The following PIAS1 variants were observed in gnomAD, a reference collection of about 807,000 sequenced individuals.
PIAS1 encodes the protein E3 SUMO-protein ligase PIAS1.
In PIAS1, 6 loss-of-function variants were observed where a neutral mutation model predicts 71.3. That is an observed-to-expected ratio of 0.08 (90% confidence interval 0.05 to 0.17). The LOEUF (loss-of-function observed/expected upper bound fraction) is 0.17, where lower values mean the gene tolerates loss of function less well. Ranked by LOEUF, PIAS1 falls within the 10% of genes least tolerant of loss-of-function variation. The pLI is 1.00. For missense variants in PIAS1, 555 were observed against 793.6 expected (o/e 0.70, Z 3.61); for synonymous variants, 303 against 292.9 (o/e 1.03, Z -0.35).
At position 68,179,564 on chromosome 15, in the gene PIAS1, C is replaced by CTTTTTTTTTTTTTTTTTTTTTTT. The variant is rs766344324; in HGVS notation, c.1482-1642_1482-1620dup. On this transcript the variant is annotated intron_variant, in intron 11 of 13. Transcript: ENST00000249636. The stretch of plus-strand genomic sequence containing the variant: ...CAACCTTGTCATCTCGTGAAATGTT[C>CTTTTTTTTTTTTTTTTTTTTTTT]TTTTTTTTTTTTTTTTTTTTTTTTT... 1.4e-3 allele frequency among the ~76,000 whole-genome samples: 57 copies of CTTTTTTTTTTTTTTTTTTTTTTT among 40,102 alleles called. 18 individuals carry two copies. The highest frequency in any genetic ancestry group is 2.0e-3 in the East Asian group (2 of 998). 26.3% of individuals were successfully genotyped at this position (40,102 alleles called of 152,430 possible). A position where few individuals can be genotyped will look rare whatever the true frequency, so the allele number is the denominator to read the frequency against.
chr15:68,127,635 G>A (rs2092660128), intron 2 of PIAS1, among the ~76,000 whole-genome samples: 1 of 152,118 alleles, frequency 6.6e-6, no homozygotes, highest in Non-Finnish European at 1.5e-5. Flanking sequence ...AACAAAACAG[G>A]CAAGCAAAGA....
At chr15:68,104,446 T>G (rs2141002399) in intron 2 of PIAS1, among the ~76,000 whole-genome samples, 1 of 152,314 alleles carries the variant, frequency 6.6e-6, no homozygotes, top group East Asian at 1.9e-4. Context: ...TCAACAACTT[T>G]TAAGAGTAAT....
chr15:68,068,459 C>CT lies in PIAS1; in HGVS notation c.24+14118dup, dbSNP rs1317734300. Among the ~76,000 whole-genome samples the CT allele has an allele frequency of 1.2e-4, 18 of 151,088 alleles. No individual in the cohort carries two copies. The South Asian group carries it at 1.5e-3, about 12-fold the overall frequency. On this transcript the variant is annotated intron_variant, in intron 1 of 13. Coordinates refer to ENST00000249636, the MANE Select transcript of PIAS1 (RefSeq NM_016166.3). ...CACAGTGATTTACCCGGGGTTAAGT[C>CT]TTTTTTTTTGAGACTGAGTTTGCAC...
Position 68,180,212 on chromosome 15 carries a change from C to CA in PIAS1, c.1482-999dup, listed in dbSNP as rs1395973141. Among the ~76,000 whole-genome samples, 3 of 152,130 alleles carry CA rather than the reference C, an allele frequency of 2.0e-5. No individual in the cohort carries two copies. The East Asian group carries it at 5.8e-4, about 29-fold the overall frequency. On this transcript the variant is annotated intron_variant, in intron 11 of 13. Coordinates refer to ENST00000249636, the MANE Select transcript of PIAS1 (RefSeq NM_016166.3). ...ACCCCCCAGGCTCAAGCAATCCTCT[C>CA]ATCTATCTCCCAAGTAGCTGGGACT...
At chr15:68,060,632 A>G (rs2091947977) in intron 1 of PIAS1, among the ~76,000 whole-genome samples, 3 of 152,278 alleles carry the variant, frequency 2.0e-5, no homozygotes, top group South Asian at 4.1e-4. Context: ...CAAACAAAAA[A>G]TCCCCCAAAA....
rs907546786 is a variant in PIAS1 at position 68,191,459 on chromosome 15, A to G, written c.*3624A>G. On this transcript the variant is annotated 3_prime_UTR_variant, in exon 14 of 14. Coordinates refer to ENST00000249636, the MANE Select transcript of PIAS1 (RefSeq NM_016166.3). ...TAGATGTAATAAAAGAAAAGCCTTC[A>G]GTTAATTTGTCTTCTGTAAAATAAC... The G allele has an allele frequency of 6.5e-6, 1 of 152,686 alleles. No homozygotes were observed. The highest frequency in any genetic ancestry group is 6.5e-5 in the Admixed American group (1 of 15,288). 9.5% of individuals were successfully genotyped at this position (152,686 alleles called of 1,614,324 possible). A position where few individuals can be genotyped will look rare whatever the true frequency, so the allele number is the denominator to read the frequency against.
At position 68,192,667 on chromosome 15, in the gene PIAS1, C is replaced by A. The variant is rs1205228273; in HGVS notation, c.*4832C>A. The A allele has an allele frequency of 6.6e-6, 1 of 152,234 alleles. No individual in the cohort carries two copies. The highest frequency in any genetic ancestry group is 1.5e-5 in the Non-Finnish European group (1 of 68,066). 9.4% of individuals were successfully genotyped at this position (152,234 alleles called of 1,614,324 possible). ...GCACTAACACTACAACTCTTGTTCCCTGCAGTTTTCCCTGTGCCCGGTGCC... is the reference window on the plus strand; with the variant it reads ...GCACTAACACTACAACTCTTGTTCCATGCAGTTTTCCCTGTGCCCGGTGCC... On this transcript the variant is annotated 3_prime_UTR_variant, in exon 14 of 14. Transcript: ENST00000249636.
chr15:68,118,472 G>C (rs1354790624), intron 2 of PIAS1, among the ~76,000 whole-genome samples: 1 of 152,172 alleles, frequency 6.6e-6, no homozygotes, highest in African/African-American at 2.4e-5. Context: ...AAGTTGCTGA[G>C]ACTATAGGCA....
At chr15:68,059,431 A>G (rs1472079837) in intron 1 of PIAS1, among the ~76,000 whole-genome samples, 1 of 151,922 alleles carries the variant, frequency 6.6e-6, no homozygotes, top group East Asian at 1.9e-4. Context: ...GCAATGCAGG[A>G]CCGGATGCCA....
rs2093125954 is a variant in PIAS1 at position 68,192,672 on chromosome 15, G to GT, written c.*4841dup. 6.6e-6 allele frequency: 1 copy of GT among 152,206 alleles called. No individual in the cohort carries two copies. The highest frequency in any genetic ancestry group is 6.5e-5 in the Admixed American group (1 of 15,282). The allele number at this position is 152,206 out of a possible 1,614,324, so 9.4% of individuals were successfully genotyped here. A position where few individuals can be genotyped will look rare whatever the true frequency, so the allele number is the denominator to read the frequency against. Reference sequence around the variant, plus strand: ...AACACTACAACTCTTGTTCCCTGCAGTTTTCCCTGTGCCCGGTGCCTAGTG... The same window carrying GT: ...AACACTACAACTCTTGTTCCCTGCAGTTTTTCCCTGTGCCCGGTGCCTAGTG... On this transcript the variant is annotated 3_prime_UTR_variant, in exon 14 of 14. Coordinates refer to ENST00000249636, the MANE Select transcript of PIAS1 (RefSeq NM_016166.3).
rs1481012284 is a variant in PIAS1, at chr15:68,176,606, A to G, written c.1433A>G (p.Lys478Arg). The G allele has an allele frequency of 8.1e-6, 13 of 1,612,466 alleles. No individual in the cohort carries two copies. The highest frequency in any genetic ancestry group is 1.1e-5 in the Non-Finnish European group (13 of 1,179,254). ...SDEEEEEPSA[K>R]RTCPSLSPTS... ...GAAGAGGAAGAAGAGCCATCTGCCA[A>G]GAGGACCTGTCCTTCCCTATCTCCC... Residue 478 changes from lysine to arginine, a missense_variant, in exon 11 of 14, where the codon AAG becomes AGG. Coordinates refer to ENST00000249636, the MANE Select transcript of PIAS1 (RefSeq NM_016166.3).
chr15:68,098,090 T>C (rs191412287), intron 2 of PIAS1, among the ~76,000 whole-genome samples: 1 of 152,354 alleles, frequency 6.6e-6, no homozygotes, highest in Non-Finnish European at 1.5e-5. Flanking sequence ...AATTATTGTA[T>C]AGTTGACCCT....
At chr15:68,072,943 G>A (rs1021603913) in intron 1 of PIAS1, among the ~76,000 whole-genome samples, 1 of 152,140 alleles carries the variant, frequency 6.6e-6, no homozygotes, top group Non-Finnish European at 1.5e-5. Flanking sequence ...GCTGAGTTTG[G>A]ATGCCAGTAT....
chr15:68,163,459 C>G (rs1377477203), intron 7 of PIAS1, among the ~76,000 whole-genome samples: 1 of 152,112 alleles, frequency 6.6e-6, no homozygotes, highest in East Asian at 1.9e-4. Context: ...ATATCTGGAG[C>G]TTTTAAAAAA....
intron 12 of PIAS1, among the ~76,000 whole-genome samples, chr15:68,183,180 G>GA (rs1314526675): frequency 5.3e-5 from 8 of 152,280 alleles, no homozygotes; most frequent in Admixed American, 5.2e-4. Flanking sequence ...ATTTAAGAAA[G>GA]AAAAATCAGT....
At chr15:68,058,415 G>A (rs2091920111) in intron 1 of PIAS1, among the ~76,000 whole-genome samples, 1 of 152,100 alleles carries the variant, frequency 6.6e-6, no homozygotes, top group Non-Finnish European at 1.5e-5. Context: ...CCTTTTTATA[G>A]ATAGAGAAAG....
intron 7 of PIAS1, among the ~76,000 whole-genome samples, chr15:68,154,440 AC>A (rs937148596): frequency 6.6e-6 from 1 of 152,116 alleles, no homozygotes; most frequent in African/African-American, 2.4e-5. Context: ...TAGAAACAAA[AC>A]TTTTATAGGC....
intron 1 of PIAS1, among the ~76,000 whole-genome samples, chr15:68,061,989 A>C (rs2091964044): frequency 1.3e-5 from 2 of 152,164 alleles, no homozygotes; most frequent in African/African-American, 4.8e-5. Flanking sequence ...TTTTTAATAT[A>C]CATGTGTCAG....
At chr15:68,108,760 T>C (rs2060994429) in intron 2 of PIAS1, among the ~76,000 whole-genome samples, 3 of 152,194 alleles carry the variant, frequency 2.0e-5, no homozygotes, top group African/African-American at 4.8e-5. Context: ...TCTGGAGTTA[T>C]CCTGACTCTT....
Sources: allele counts gnomAD v4.1 joint callset (sites outside exome capture counted in the v4.1 genomes callset), GRCh38; gene constraint gnomAD v4.1.1; transcripts MANE v1.5; gene names NCBI Gene and HGNC (gene_info 2026-07-23, HGNC 2026-07-21).